PIEZO2: variants seen among roughly 807,000 people sequenced by gnomAD.
The protein encoded by PIEZO2 is piezo-type mechanosensitive ion channel component 2.
A neutral mutation model predicts 337.3 loss-of-function variants in PIEZO2; 172 were observed. That is an observed-to-expected ratio of 0.51 (90% CI 0.45 to 0.58). The LOEUF is 0.58. PIEZO2 is among the 20% of genes least tolerant of loss of function. The probability of loss-of-function intolerance (pLI) is 0.00; values close to 1 mark genes in which losing one functional copy is unlikely to be tolerated. For missense variants in PIEZO2, 3,028 were observed against 3,391.3 expected, an observed-to-expected ratio of 0.89 and a Z score of 2.66; for synonymous variants, 1,251 against 1,228.5, an observed-to-expected ratio of 1.02 and a Z score of -0.38.
rs984872002 is a variant in PIEZO2 at position 10,982,283 on chromosome 18, G to C, written c.161-2623C>G. ...TATATCAAAGGGAGTTTATTAAGGA[G>C]TATTGACTCACACAGTCACAAGGTG... is the stretch of plus-strand genomic sequence containing the variant. On this transcript the variant is annotated intron_variant, in intron 2 of 55. Coordinates refer to ENST00000674853, the MANE Select transcript of PIEZO2 (RefSeq NM_001378183.1). The surrounding 1 kb of genome is among the most constrained non-coding windows in gnomAD (Gnocchi z 4.1). Among the ~76,000 whole-genome samples the C allele has an allele frequency of 6.6e-6, 1 of 151,946 alleles. No individual in the cohort carries two copies. The highest frequency in any genetic ancestry group is 1.5e-5 in the Non-Finnish European group (1 of 68,010).
At chr18:10,964,562 T>C (rs2033923413) in intron 3 of PIEZO2, among the ~76,000 whole-genome samples, 1 of 152,210 alleles carries the variant, frequency 6.6e-6, no homozygotes, top group Non-Finnish European at 1.5e-5. Flanking sequence ...GTGAATACGG[T>C]ATACTTTTTT....
At position 10,980,968 on chromosome 18, in the gene PIEZO2, G is replaced by A. The variant is rs538589645; in HGVS notation, c.161-1308C>T. ...GAAGGCCAGAAAACTAGTCGGAGGT[G>A]TGTGTGTAAGTGAGAGAGAAGAAAC... is the stretch of plus-strand genomic sequence containing the variant. On this transcript the variant is annotated intron_variant, in intron 2 of 55. Transcript: ENST00000674853. This position sits in a 1 kb window ranked among gnomAD's most constrained non-coding sequence, Gnocchi z 4.8. Among the ~76,000 whole-genome samples the A allele has an allele frequency of 1.6e-4, 25 of 152,168 alleles. No individual in the cohort carries two copies. The highest frequency in any genetic ancestry group is 3.5e-4 in the Non-Finnish European group (24 of 68,034).
In PIEZO2 at chr18:10,736,597, T is replaced by A; in HGVS notation, c.4815+7A>T. ...ACTAGCAAAGAAATGATTTTCCCCA[T>A]AATTACCTGGAATGCTGACCTTCGT... is the stretch of plus-strand genomic sequence containing the variant. On this transcript the variant is annotated splice_region_variant and intron_variant, in intron 34 of 55. Coordinates refer to ENST00000674853, the MANE Select transcript of PIEZO2 (RefSeq NM_001378183.1). 1 of 1,536,990 alleles carries A rather than the reference T, an allele frequency of 6.5e-7. No homozygotes were observed. The highest frequency in any genetic ancestry group is 8.7e-7 in the Non-Finnish European group (1 of 1,146,828).
chr18:10,928,010 C>G (rs1165218303), intron 3 of PIEZO2, among the ~76,000 whole-genome samples: 1 of 152,154 alleles, frequency 6.6e-6, no homozygotes, highest in Non-Finnish European at 1.5e-5. Context: ...ATTTCACAAG[C>G]ATACCCTTCC....
At chr18:10,811,739 T>G (rs2040196703) in intron 7 of PIEZO2, among the ~76,000 whole-genome samples, 1 of 152,282 alleles carries the variant, frequency 6.6e-6, no homozygotes. Context: ...TTTTGTTCTC[T>G]ACTGGCTATT....
chr18:11,038,509 AC>A lies in PIEZO2; in HGVS notation c.160+27617del, dbSNP rs1402278224. Among the ~76,000 whole-genome samples, 2 of 152,062 alleles carry A rather than the reference AC, an allele frequency of 1.3e-5. No individual in the cohort carries two copies. Among genetic ancestry groups the A allele is most frequent in the Admixed American group, 6.6e-5 (1 of 15,262 alleles). Reference sequence around the variant, plus strand: ...TTGTGCTCATTCATCATTTTCCAACACCCATTGAGATATGGGAGGCAGTACT... The same window carrying A: ...TTGTGCTCATTCATCATTTTCCAACACCATTGAGATATGGGAGGCAGTACT... On this transcript the variant is annotated intron_variant, in intron 2 of 55. Coordinates refer to ENST00000674853, the MANE Select transcript of PIEZO2 (RefSeq NM_001378183.1). The surrounding 1 kb of genome is among the most constrained non-coding windows in gnomAD (Gnocchi z 4.1).
At chr18:11,055,717 G>T (rs1261531566) in intron 2 of PIEZO2, among the ~76,000 whole-genome samples, 1 of 152,226 alleles carries the variant, frequency 6.6e-6, no homozygotes, top group African/African-American at 2.4e-5. Flanking sequence ...GTCTCCAGTT[G>T]CAGTGGGGGA....
Position 10,847,421 on chromosome 18 carries a change from A to G in PIEZO2, c.917+7932T>C, listed in dbSNP as rs972212061. ...AAATCTGGCCCAGAACACTTAATCC[A>G]GGCTGAGAGTCTGGAAGGTGCAGTG... On this transcript the variant is annotated intron_variant, in intron 7 of 55. Coordinates refer to ENST00000674853, the MANE Select transcript of PIEZO2 (RefSeq NM_001378183.1). This position sits in a 1 kb window ranked among gnomAD's most constrained non-coding sequence, Gnocchi z 5.7. Among the ~76,000 whole-genome samples the G allele has an allele frequency of 2.6e-5, 4 of 152,350 alleles. No homozygotes were observed. In the East Asian group the frequency reaches 7.7e-4, roughly 29 times the overall value.
Position 10,855,554 on chromosome 18 carries a change from G to T in PIEZO2, c.716C>A (p.Pro239Gln). ...ILLGSSGMML[P>Q]SLTSSVYFFV... ...AAAATACACAGATGATGTCAAAGAC[G>T]GCAACATCATGCCTAAGGAAGAGAA... Residue 239 changes from proline (P) to glutamine (Q), a missense_variant, in exon 7 of 56, where the codon CCG becomes CAG. This residue lies in a region of PIEZO2 where 542 missense variants were observed against 605.6 expected (regional missense o/e 0.89). Coordinates refer to ENST00000674853, the MANE Select transcript of PIEZO2 (RefSeq NM_001378183.1). This position sits in a 1 kb window ranked among gnomAD's most constrained non-coding sequence, Gnocchi z 4.9. The T allele has an allele frequency of 1.3e-6, 2 of 1,536,238 alleles. No individual in the cohort carries two copies. The highest frequency in any genetic ancestry group is 1.7e-6 in the Non-Finnish European group (2 of 1,146,406).
At position 10,682,164 on chromosome 18, in the gene PIEZO2, C is replaced by T. The variant is rs2034295996; in HGVS notation, c.7626G>A (p.Val2542=). The T allele has an allele frequency of 6.5e-7, 1 of 1,537,162 alleles. No homozygotes were observed. Among genetic ancestry groups the T allele is most frequent in the African/African-American group, 1.4e-5 (1 of 73,120 alleles). The change falls in exon 50 of 56, where the codon GTG becomes GTA. Residue 2542 remains valine, a synonymous_variant. Coordinates refer to ENST00000674853, the MANE Select transcript of PIEZO2 (RefSeq NM_001378183.1). This position sits in a 1 kb window ranked among gnomAD's most constrained non-coding sequence, Gnocchi z 5.6. ...CCAGGGGCTGGTTGATGACCCCAGC[C>T]ACAGATTTGATCAAAGACATGAAGA... ...PLLFMSLIKS[V]AGVINQPLDV...
At chr18:10,685,963 C>G (rs1406826725) in intron 49 of PIEZO2, among the ~76,000 whole-genome samples, 1 of 79,038 alleles carries the variant, frequency 1.3e-5, no homozygotes, top group African/African-American at 3.6e-5. Context: ...TCACTTGTGC[C>G]TCTGACTCTA....
intron 47 of PIEZO2, among the ~76,000 whole-genome samples, chr18:10,693,356 TTGTGTG>T (rs1174582024): frequency 1.0e-4 from 9 of 89,974 alleles, no homozygotes; most frequent in Non-Finnish European, 1.4e-4. Flanking sequence ...AATCTGGATT[TTGTGTG>T]TGTGTGTGTG....
intron 2 of PIEZO2, among the ~76,000 whole-genome samples, chr18:11,041,729 A>G (rs900211792): frequency 7.2e-5 from 11 of 152,220 alleles, no homozygotes; most frequent in Non-Finnish European, 1.5e-4. Flanking sequence ...ACTTATAAAA[A>G]TGTAAATGAA....
At chr18:11,133,368 A>C (rs2040392052) in intron 1 of PIEZO2, among the ~76,000 whole-genome samples, 3 of 152,082 alleles carry the variant, frequency 2.0e-5, no homozygotes, top group African/African-American at 7.2e-5. Context: ...GATCTCAGGA[A>C]ATGTGTATGG....
chr18:10,786,137 A>G (rs1018472155), intron 16 of PIEZO2, among the ~76,000 whole-genome samples: 3 of 152,194 alleles, frequency 2.0e-5, no homozygotes, highest in African/African-American at 7.2e-5. Context: ...CCAGCTCCTC[A>G]GCAAAGCCCG....
Position 10,982,019 on chromosome 18 carries a change from C to T in PIEZO2, c.161-2359G>A, listed in dbSNP as rs1003082119. ...TCCTCCAAGCCCACAATCCAAATACCTCCCATCAGGCCCCACCTTTAGCAT... is the reference window on the plus strand; with the variant it reads ...TCCTCCAAGCCCACAATCCAAATACTTCCCATCAGGCCCCACCTTTAGCAT... On this transcript the variant is annotated intron_variant, in intron 2 of 55. Coordinates refer to ENST00000674853, the MANE Select transcript of PIEZO2 (RefSeq NM_001378183.1). This position sits in a 1 kb window ranked among gnomAD's most constrained non-coding sequence, Gnocchi z 4.1. 6.6e-6 allele frequency among the ~76,000 whole-genome samples: 1 copy of T among 152,176 alleles called. No homozygotes were observed. The highest frequency in any genetic ancestry group is 2.4e-5 in the African/African-American group (1 of 41,436).
At position 10,724,889 on chromosome 18, in the gene PIEZO2, G is replaced by A. The variant is rs530257547; in HGVS notation, c.5029+6518C>T. On this transcript the variant is annotated intron_variant, in intron 36 of 55. Transcript: ENST00000674853. This position sits in a 1 kb window ranked among gnomAD's most constrained non-coding sequence, Gnocchi z 5.8. ...ACCTACTCTGTAAATAGTACTGGCC[G>A]GCGGGGGCGTGGCACCCTGGGACAG... The A allele has an allele frequency of 1.2e-5, 19 of 1,609,300 alleles. No individual in the cohort carries two copies. The highest frequency in any genetic ancestry group is 2.2e-4 in the Middle Eastern group (1 of 4,550).
chr18:10,962,074 T>G lies in PIEZO2; in HGVS notation c.286+17461A>C, dbSNP rs1269742738. On this transcript the variant is annotated intron_variant, in intron 3 of 55. Transcript: ENST00000674853. This position sits in a 1 kb window ranked among gnomAD's most constrained non-coding sequence, Gnocchi z 4.1. ...TGATTCTCGCAACGTTCAGTTTTTT[T>G]TTCCAAGCAGACTGTAATCAACTAT... Among the ~76,000 whole-genome samples, 1 of 152,240 alleles carries G rather than the reference T, an allele frequency of 6.6e-6. No individual in the cohort carries two copies. The highest frequency in any genetic ancestry group is 6.5e-5 in the Admixed American group (1 of 15,282).
rs1169737290 is a variant in PIEZO2 at position 11,112,338 on chromosome 18, A to G, written c.64+36187T>C. On this transcript the variant is annotated intron_variant, in intron 1 of 55. Transcript: ENST00000674853. The surrounding 1 kb of genome is among the most constrained non-coding windows in gnomAD (Gnocchi z 4.3). Reference sequence around the variant, plus strand: ...AAAAACAGTTATTTGAGATATTCTGATCCACCCATTTAAGTAAAGGCCTGG... The same window carrying G: ...AAAAACAGTTATTTGAGATATTCTGGTCCACCCATTTAAGTAAAGGCCTGG... 1.3e-5 allele frequency among the ~76,000 whole-genome samples: 2 copies of G among 152,214 alleles called. No individual in the cohort carries two copies. The highest frequency in any genetic ancestry group is 2.9e-5 in the Non-Finnish European group (2 of 68,038).
Sources: allele counts gnomAD v4.1 joint callset (sites outside exome capture counted in the v4.1 genomes callset), GRCh38; gene constraint gnomAD v4.1.1; regional missense constraint gnomAD v4.1.1; non-coding constraint Gnocchi (gnomAD v3.1); transcripts MANE v1.5; gene names NCBI Gene and HGNC (gene_info 2026-07-23, HGNC 2026-07-21).